WDPCP: variants seen among roughly 807,000 people sequenced by gnomAD.
The protein encoded by WDPCP is WD repeat containing planar cell polarity effector.
A neutral mutation model predicts 93.1 loss-of-function variants in WDPCP; 71 were observed. The observed-to-expected ratio is 0.76, with a 90% CI of 0.63 to 0.93. The LOEUF is 0.93. Ranked by LOEUF, WDPCP falls within the 40% of genes least tolerant of loss-of-function variation. The probability of loss-of-function intolerance (pLI) is 0.00; values close to 1 mark genes in which losing one functional copy is unlikely to be tolerated. For missense variants in WDPCP, 844 were observed against 887.4 expected (o/e 0.95, Z 0.62); for synonymous variants, 315 against 315.0 (o/e 1.00, Z 0.00).
intron 14 of WDPCP, among the ~76,000 whole-genome samples, chr2:63,182,093 A>G (rs1263917350): frequency 6.6e-6 from 1 of 152,078 alleles, no homozygotes; most frequent in Admixed American, 6.6e-5. Context: ...ATCATGAGCA[A>G]ACAGAGATAA....
At chr2:63,446,155 A>G (rs1697847781) in intron 6 of WDPCP, among the ~76,000 whole-genome samples, 1 of 152,074 alleles carries the variant, frequency 6.6e-6, no homozygotes, top group South Asian at 2.1e-4. Flanking sequence ...CACTCAAACC[A>G]GTCTCCCTCT....
intron 12 of WDPCP, among the ~76,000 whole-genome samples, chr2:63,321,185 G>A (rs1206891052): frequency 6.6e-6 from 1 of 152,010 alleles, no homozygotes; most frequent in Non-Finnish European, 1.5e-5. Flanking sequence ...ATTAACAGTT[G>A]CTTTTAGCAC....
chr2:63,527,518 C>T (rs1328347200), intron 1 of WDPCP, among the ~76,000 whole-genome samples: 1 of 151,888 alleles, frequency 6.6e-6, no homozygotes, highest in Non-Finnish European at 1.5e-5. Flanking sequence ...TGGTTTCCAG[C>T]TTCATCCATG....
At position 63,439,857 on chromosome 2, in the gene WDPCP, T is replaced by C. The variant is rs780462807; in HGVS notation, c.399A>G (p.Ser133=). 1 of 1,613,020 alleles carries C rather than the reference T, an allele frequency of 6.2e-7. No individual in the cohort carries two copies. The highest frequency in any genetic ancestry group is 8.5e-7 in the Non-Finnish European group (1 of 1,179,294). Residue 133 remains serine, a synonymous_variant, in exon 7 of 18, where the codon TCA becomes TCG. Coordinates refer to ENST00000272321, the MANE Select transcript of WDPCP (RefSeq NM_015910.7). ...NKYVCQLLFG[S]GVLVSLSLSG... ...AAAGGCTTAGAGACACCAGCACACC[T>C]GAACCAAAAAGGAGCTAAAACCAGG...
chr2:63,209,819 TA>T (rs1296417461), intron 14 of WDPCP, among the ~76,000 whole-genome samples: 1 of 152,140 alleles, frequency 6.6e-6, no homozygotes, highest in Non-Finnish European at 1.5e-5. Context: ...AATATAGCTA[TA>T]AAAAAGAGAA....
At chr2:63,230,876 T>C (rs1015086551) in intron 14 of WDPCP, among the ~76,000 whole-genome samples, 9 of 152,214 alleles carry the variant, frequency 5.9e-5, no homozygotes, top group Non-Finnish European at 1.0e-4. Context: ...TCTCCCATTC[T>C]GTAGGTTGCC....
At chr2:63,508,374 C>T (rs750664411) in intron 1 of WDPCP, among the ~76,000 whole-genome samples, 3 of 152,104 alleles carry the variant, frequency 2.0e-5, no homozygotes, top group African/African-American at 7.2e-5. Context: ...CCTTTATAGA[C>T]AAGCAAATGC....
At chr2:63,272,495 T>G (rs999175632) in intron 13 of WDPCP, among the ~76,000 whole-genome samples, 2 of 152,090 alleles carry the variant, frequency 1.3e-5, no homozygotes, top group African/African-American at 4.8e-5. Flanking sequence ...CAGCAACAGA[T>G]TGCAATGAAA....
At chr2:63,763,515 A>C (rs889198903) in intron 2 of WDPCP, among the ~76,000 whole-genome samples, 10 of 152,226 alleles carry the variant, frequency 6.6e-5, no homozygotes, top group African/African-American at 2.4e-4. Flanking sequence ...AAAAAAAAAA[A>C]AAAAAATTGT....
intron 3 of WDPCP, among the ~76,000 whole-genome samples, chr2:63,623,027 C>T (rs907780179): frequency 6.6e-6 from 1 of 152,198 alleles, no homozygotes; most frequent in Non-Finnish European, 1.5e-5. Flanking sequence ...CCGGCGCAGC[C>T]CCGCTCAACA....
intron 1 of WDPCP, among the ~76,000 whole-genome samples, chr2:63,499,774 T>C (rs941368452): frequency 2.0e-5 from 3 of 152,208 alleles, no homozygotes; most frequent in African/African-American, 7.2e-5. Context: ...ACTGCTCATA[T>C]AGTGACCCTT....
intron 17 of WDPCP, among the ~76,000 whole-genome samples, chr2:63,152,602 C>A (rs1559158070): frequency 6.6e-6 from 1 of 152,142 alleles, no homozygotes; most frequent in Non-Finnish European, 1.5e-5. Flanking sequence ...TCACCTATAT[C>A]CCTTCTACTT....
Position 63,284,079 on chromosome 2 carries a change from G to T in WDPCP, c.1813-24670C>A, listed in dbSNP as rs1417924794. On this transcript the variant is annotated intron_variant, in intron 13 of 17. Transcript: ENST00000272321. ...GGTAAATACATGGGTACATATAAAA[G>T]ACTTTTTTTTTTACATTAAAAACTA... Among the ~76,000 whole-genome samples the T allele has an allele frequency of 2.0e-5, 3 of 151,858 alleles. No homozygotes were observed. In the East Asian group the frequency reaches 5.8e-4, roughly 29 times the overall value.
At chr2:63,523,450 C>G (rs1703089345) in intron 1 of WDPCP, among the ~76,000 whole-genome samples, 1 of 152,116 alleles carries the variant, frequency 6.6e-6, no homozygotes, top group African/African-American at 2.4e-5. Context: ...GAAGTCATAG[C>G]CAGAGCAATC....
chr2:63,193,102 T>A (rs1675164355), intron 14 of WDPCP, among the ~76,000 whole-genome samples: 1 of 152,206 alleles, frequency 6.6e-6, no homozygotes, highest in Non-Finnish European at 1.5e-5. Flanking sequence ...AAAATTCTGA[T>A]ATTTACACAG....
At chr2:63,132,530 G>A (rs948212345) in intron 17 of WDPCP, among the ~76,000 whole-genome samples, 3 of 143,796 alleles carry the variant, frequency 2.1e-5, no homozygotes, top group African/African-American at 7.8e-5. Flanking sequence ...TTATTCTTTT[G>A]TTCTTTTTGT....
chr2:63,707,469 C>A (rs1390279183), intron 2 of WDPCP, among the ~76,000 whole-genome samples: 1 of 152,180 alleles, frequency 6.6e-6, no homozygotes, highest in Non-Finnish European at 1.5e-5. Context: ...CCATGGTTTT[C>A]AGCTCCATCA....
At chr2:63,225,376 AC>A (rs1308753423) in intron 14 of WDPCP, among the ~76,000 whole-genome samples, 2 of 151,900 alleles carry the variant, frequency 1.3e-5, no homozygotes, top group African/African-American at 4.8e-5. Context: ...GGTTGAGGAT[AC>A]CAAGTGTTGG....
chr2:63,652,652 A>C (rs1023483587), intron 2 of WDPCP, among the ~76,000 whole-genome samples: 1 of 152,224 alleles, frequency 6.6e-6, no homozygotes, highest in Non-Finnish European at 1.5e-5. Flanking sequence ...GAAAGATTTG[A>C]TAGAAATGCA....
Sources: gnomAD v4.1 joint callset for allele counts (sites outside exome capture counted in the v4.1 genomes callset) on GRCh38, gnomAD v4.1.1 for gene constraint, MANE v1.5 for transcripts, NCBI Gene and HGNC (gene_info 2026-07-23, HGNC 2026-07-21) for gene names.